Variants in BRDT observed in about 807,000 individuals in gnomAD.
The protein encoded by BRDT is bromodomain testis-specific protein.
A neutral mutation model predicts 113.9 loss-of-function variants in BRDT; 77 were observed. The observed-to-expected ratio is 0.68, with a 90% CI of 0.56 to 0.82. The LOEUF (loss-of-function observed/expected upper bound fraction) is 0.82. Among genes scored for constraint, BRDT ranks in the 40% least tolerant of loss-of-function variants. The pLI is 0.00. For missense variants in BRDT, 1,027 were observed against 1,105.4 expected, an observed-to-expected ratio of 0.93 and a Z score of 1.01; for synonymous variants, 358 against 366.5, an observed-to-expected ratio of 0.98 and a Z score of 0.26.
In BRDT at chr1:91,976,401, G is replaced by A. The variant is rs757629594; in HGVS notation, c.581G>A (p.Gly194Glu). 1 of 1,601,458 alleles carries A rather than the reference G, an allele frequency of 6.2e-7. No individual in the cohort carries two copies. ...TSISPLNVVQ[G>E]ASVNSSSQTA... is the part of the protein sequence containing the mutation. ...ATTTCTCCCTTGAACGTGGTACAGG[G>A]AGCTTCAGTCAACTCCAGTTCACAA... Residue 194 changes from glycine to glutamate, a missense_variant, in exon 5 of 19, where the codon GGA becomes GAA. By Grantham distance (98) the Gly-to-Glu change is moderately conservative. Transcript: ENST00000399546.
chr1:91,969,419 T>C (rs1050621919), intron 4 of BRDT, among the ~76,000 whole-genome samples: 2 of 151,996 alleles, frequency 1.3e-5, no homozygotes, highest in African/African-American at 2.4e-5. Context: ...TCATAACTTA[T>C]AGTGCTTTAA....
At position 91,964,774 on chromosome 1, in the gene BRDT, C is replaced by T. The variant is rs778837536; in HGVS notation, c.330+10C>T. ...TTATTTATATAACAAGGTATGTAAGCCTTATGTTATACTTGCTAATTCTTT... is the reference window on the plus strand; with the variant it reads ...TTATTTATATAACAAGGTATGTAAGTCTTATGTTATACTTGCTAATTCTTT... On this transcript the variant is annotated intron_variant, in intron 3 of 18. Coordinates refer to ENST00000399546, the MANE Select transcript of BRDT (RefSeq NM_207189.4). 2 of 1,421,686 alleles carry T rather than the reference C, an allele frequency of 1.4e-6. No homozygotes were observed. The highest frequency in any genetic ancestry group is 1.6e-5 in the South Asian group (1 of 61,040). 88.1% of individuals were successfully genotyped at this position (1,421,686 alleles called of 1,614,324 possible).
rs753919739 is a variant in BRDT, at chr1:91,979,763, T to C, written c.1287+6T>C. On this transcript the variant is annotated splice_donor_region_variant and intron_variant, in intron 8 of 18. Coordinates refer to ENST00000399546, the MANE Select transcript of BRDT (RefSeq NM_207189.4). Reference sequence around the variant, plus strand: ...TTGCAAAGCTTCAGGAGCAGGTAGTTGATTGTATTGATACAAATTTTGATA... The same window carrying C: ...TTGCAAAGCTTCAGGAGCAGGTAGTCGATTGTATTGATACAAATTTTGATA... The C allele has an allele frequency of 1.9e-6, 3 of 1,589,574 alleles. No individual in the cohort carries two copies. Among genetic ancestry groups the C allele is most frequent in the Admixed American group, 1.9e-5 (1 of 51,364 alleles).
At chr1:91,981,529 C>T (rs545017623) in intron 11 of BRDT, 89 bp from the exon 12 acceptor site, 226 of 1,569,692 alleles carry the variant, frequency 1.4e-4, no homozygotes, top group Non-Finnish European at 1.8e-4. Context: ...CAGGCATGCG[C>T]GACCATGCCC....
intron 18 of BRDT, among the ~76,000 whole-genome samples, chr1:92,013,946 G>A (rs1312414062): frequency 1.3e-5 from 2 of 152,048 alleles, no homozygotes; most frequent in Non-Finnish European, 2.9e-5. Flanking sequence ...GTAGGGAGGG[G>A]TCAAACTTAT....
chr1:91,976,825 G>C (rs1684181338), intron 5 of BRDT, among the ~76,000 whole-genome samples: 1 of 151,984 alleles, frequency 6.6e-6, no homozygotes, highest in Admixed American at 6.6e-5. Flanking sequence ...GACATTCTTT[G>C]GTATGTGGGA....
chr1:91,960,414 T>G (rs1170539375), intron 1 of BRDT, among the ~76,000 whole-genome samples: 1 of 152,220 alleles, frequency 6.6e-6, no homozygotes, highest in African/African-American at 2.4e-5. Flanking sequence ...TCTTGAGGGC[T>G]TTGTATTAGG....
chr1:91,959,162 G>A (rs1420260005), intron 1 of BRDT, among the ~76,000 whole-genome samples: 1 of 152,186 alleles, frequency 6.6e-6, no homozygotes, highest in African/African-American at 2.4e-5. Context: ...GGGCGATGGA[G>A]TGAGATGCCA....
intron 7 of BRDT, 152 bp from the exon 8 acceptor site, chr1:91,979,417 A>G (rs1684505825): frequency 1.3e-6 from 1 of 757,410 alleles, no homozygotes; most frequent in Non-Finnish European, 2.1e-6. Flanking sequence ...CCTGGCCAGC[A>G]TGAGTCTTAA....
chr1:92,002,237 C>A, intron 16 of BRDT, 88 bp downstream of exon 16: 1 of 897,224 alleles, frequency 1.1e-6, no homozygotes, highest in Non-Finnish European at 1.7e-6. Flanking sequence ...AAAGCCCTGA[C>A]TTAAATGAAA....
intron 12 of BRDT, among the ~76,000 whole-genome samples, chr1:91,983,561 C>T (rs952959208): frequency 1.3e-5 from 2 of 152,112 alleles, no homozygotes; most frequent in African/African-American, 4.8e-5. Flanking sequence ...GCCTAGAATT[C>T]AAATCTTAAA....
At chr1:91,997,515 C>T (rs1686454606) in intron 15 of BRDT, among the ~76,000 whole-genome samples, 1 of 152,062 alleles carries the variant, frequency 6.6e-6, no homozygotes, top group African/African-American at 2.4e-5. Context: ...TATAAGAATG[C>T]TAGGGTAGCC....
chr1:92,013,329 A>G (rs748929119), intron 18 of BRDT, among the ~76,000 whole-genome samples: 8 of 152,222 alleles, frequency 5.3e-5, no homozygotes, highest in African/African-American at 1.4e-4. Flanking sequence ...AGAGTCAGAC[A>G]TACCTTTCAA....
In BRDT at chr1:91,981,164, C is replaced by T. The variant is rs369332056; in HGVS notation, c.1736C>T (p.Pro579Leu). 11 of 1,608,890 alleles carry T rather than the reference C, an allele frequency of 6.8e-6. No individual in the cohort carries two copies. The East Asian group carries it at 1.6e-4, about 23-fold the overall frequency. ...KYVSACLRKR[P>L]LKPPAKKIMM... ...GTTTCGGCATGTCTAAGAAAGAGACCATTAAAACCTCCTGGTATGTATTTC... is the reference window on the plus strand; with the variant it reads ...GTTTCGGCATGTCTAAGAAAGAGACTATTAAAACCTCCTGGTATGTATTTC... The change falls in exon 10 of 19, where the codon CCA (proline) becomes CTA (leucine). Residue 579 changes from proline (P) to leucine (L), a missense_variant. By Grantham distance (98) the Pro-to-Leu change is moderately conservative (BLOSUM62 -3). Transcript: ENST00000399546.
chr1:91,963,509 T>TAA (rs1267119140), intron 2 of BRDT, among the ~76,000 whole-genome samples: 7 of 152,214 alleles, frequency 4.6e-5, no homozygotes, highest in Non-Finnish European at 1.0e-4. Flanking sequence ...GATGCAGAGT[T>TAA]ATCCTGAATT....
chr1:91,965,261 A>G (rs879940837), intron 3 of BRDT, among the ~76,000 whole-genome samples: 1 of 152,124 alleles, frequency 6.6e-6, no homozygotes, highest in Non-Finnish European at 1.5e-5. Flanking sequence ...ACTGAATTTC[A>G]TAATTTTCAC....
At chr1:91,959,608 G>A (rs370204703) in intron 1 of BRDT, among the ~76,000 whole-genome samples, 1 of 151,850 alleles carries the variant, frequency 6.6e-6, no homozygotes, top group African/African-American at 2.4e-5. Flanking sequence ...AGCCTCCCGA[G>A]TAGCTGGGAC....
At chr1:91,999,332 A>T (rs1259343712) in intron 15 of BRDT, among the ~76,000 whole-genome samples, 1 of 152,120 alleles carries the variant, frequency 6.6e-6, no homozygotes, top group Non-Finnish European at 1.5e-5. Flanking sequence ...CTGAGGAAAG[A>T]TGAGTTTTGT....
chr1:91,958,432 T>C (rs1487979370), intron 1 of BRDT, among the ~76,000 whole-genome samples: 1 of 152,120 alleles, frequency 6.6e-6, no homozygotes, highest in Admixed American at 6.5e-5. Context: ...CCCAGGCTGG[T>C]CTTGAACTCC....
Sources: allele counts gnomAD v4.1 joint callset (sites outside exome capture counted in the v4.1 genomes callset), GRCh38; gene constraint gnomAD v4.1.1; transcripts MANE v1.5; gene names NCBI Gene and HGNC (gene_info 2026-07-23, HGNC 2026-07-21).